DPP6: variants seen among roughly 807,000 people sequenced by gnomAD.
DPP6 encodes A-type potassium channel modulatory protein DPP6.
A neutral mutation model predicts 122.6 loss-of-function variants in DPP6; 69 were observed. The observed-to-expected ratio is 0.56, with a 90% CI of 0.46 to 0.69. The LOEUF is 0.69. DPP6 is among the 30% of genes least tolerant of loss of function. The pLI is 0.00. For missense variants in DPP6, 928 were observed against 1,116.9 expected, an observed-to-expected ratio of 0.83 and a Z score of 2.41; for synonymous variants, 418 against 433.1, an observed-to-expected ratio of 0.97 and a Z score of 0.43.
chr7:153,993,477 T>G (rs1201905384), intron 1 of DPP6, among the ~76,000 whole-genome samples: 1 of 152,264 alleles, frequency 6.6e-6, no homozygotes, highest in Non-Finnish European at 1.5e-5. Context: ...ATATTCTTGA[T>G]GAAATTTGTA....
chr7:154,352,945 A>G (rs774636146), intron 1 of DPP6, among the ~76,000 whole-genome samples: 64 of 152,238 alleles, frequency 4.2e-4, no homozygotes, highest in Non-Finnish European at 7.3e-4. Flanking sequence ...GTCCTGACCA[A>G]TTTGCTTCTG....
Position 154,486,875 on chromosome 7 carries a change from A to G in DPP6, c.457+11838A>G, listed in dbSNP as rs1823843756. On this transcript the variant is annotated intron_variant, in intron 3 of 25. Transcript: ENST00000377770. The surrounding 1 kb of genome is among the most constrained non-coding windows in gnomAD (Gnocchi z 4.5). ...GCGGACTCTAGTTCCTAACTGATGG[A>G]TGATGCTGGGCCCCGCTGTTGATGC... Among the ~76,000 whole-genome samples the G allele has an allele frequency of 6.6e-6, 1 of 152,140 alleles. No homozygotes were observed. The highest frequency in any genetic ancestry group is 2.4e-5 in the African/African-American group (1 of 41,430).
At chr7:154,665,341 T>TATC (rs1244640662) in intron 6 of DPP6, among the ~76,000 whole-genome samples, 6 of 152,250 alleles carry the variant, frequency 3.9e-5, no homozygotes, top group Admixed American at 3.9e-4. Context: ...TAATTATTTA[T>TATC]ATCAGTAAAG....
the DPP6 span, among the ~76,000 whole-genome samples, chr7:153,774,301 C>T: frequency 2.0e-5 from 3 of 151,978 alleles, no homozygotes; most frequent in Admixed American, 6.6e-5. Flanking sequence ...TCCTTTTCAC[C>T]GGAAGGTACA....
At chr7:154,504,558 A>G (rs374316455) in intron 3 of DPP6, among the ~76,000 whole-genome samples, 27 of 152,302 alleles carry the variant, frequency 1.8e-4, no homozygotes, top group African/African-American at 6.5e-4. Context: ...AGATAACTCA[A>G]GGATCAACGT....
chr7:154,645,134 C>T (rs1261723736), intron 6 of DPP6, among the ~76,000 whole-genome samples: 1 of 146,624 alleles, frequency 6.8e-6, no homozygotes, highest in Non-Finnish European at 1.5e-5. Context: ...GTGATCTCTG[C>T]TCACTGCAAG....
rs138439000 is a variant in DPP6, at chr7:154,556,495, A to G, written c.553-10347A>G. Among the ~76,000 whole-genome samples, 1,503 of 152,336 alleles carry G rather than the reference A, an allele frequency of 9.9e-3. 24 individuals carry two copies. Among genetic ancestry groups the G allele is most frequent in the African/African-American group, 0.032 (1,333 of 41,586 alleles). On this transcript the variant is annotated intron_variant, in intron 4 of 25. Coordinates refer to ENST00000377770, the MANE Select transcript of DPP6 (RefSeq NM_130797.4). ...ACAGTGCTGGCATAACTAACTCTTCATCTACAAAGATGTAATGTAAGTCTC... is the reference window on the plus strand; with the variant it reads ...ACAGTGCTGGCATAACTAACTCTTCGTCTACAAAGATGTAATGTAAGTCTC...
the DPP6 span, among the ~76,000 whole-genome samples, chr7:153,860,510 G>A: frequency 1.2e-4 from 18 of 152,240 alleles, no homozygotes; most frequent in African/African-American, 2.9e-4. Context: ...CAGCCTTGCC[G>A]TTCGGCCACC....
At chr7:154,067,876 A>G (rs768593248) in intron 1 of DPP6, among the ~76,000 whole-genome samples, 3 of 150,882 alleles carry the variant, frequency 2.0e-5, no homozygotes, top group African/African-American at 4.9e-5. Flanking sequence ...TGTCAAGTGC[A>G]TGCCACCACA....
At chr7:154,788,883 A>G (rs532272581) in intron 10 of DPP6, among the ~76,000 whole-genome samples, 1 of 151,948 alleles carries the variant, frequency 6.6e-6, no homozygotes, top group Non-Finnish European at 1.5e-5. Context: ...TTGTGGGAGA[A>G]CCTCCCACAT....
intron 7 of DPP6, among the ~76,000 whole-genome samples, chr7:154,714,109 C>G (rs908090984): frequency 6.6e-6 from 1 of 152,214 alleles, no homozygotes; most frequent in Non-Finnish European, 1.5e-5. Flanking sequence ...TTATCTTCAT[C>G]TGAGACCACC....
intron 4 of DPP6, among the ~76,000 whole-genome samples, chr7:154,544,161 A>G (rs563272505): frequency 6.7e-6 from 1 of 148,158 alleles, no homozygotes; most frequent in South Asian, 2.1e-4. Flanking sequence ...TTTTATATAT[A>G]TATATATAGT....
chr7:154,274,905 A>G (rs1317329239), intron 1 of DPP6, among the ~76,000 whole-genome samples: 1 of 152,218 alleles, frequency 6.6e-6, no homozygotes, highest in Non-Finnish European at 1.5e-5. Context: ...CTTCATCTCC[A>G]TCACTCCTCC....
At chr7:153,884,023 A>G (rs1302443844), upstream of DPP6, among the ~76,000 whole-genome samples, 2 of 152,112 alleles carry the variant, frequency 1.3e-5, no homozygotes, top group African/African-American at 4.8e-5. Flanking sequence ...TATTTTTTAT[A>G]TATAAACTTT....
chr7:154,746,932 C>T (rs1587007191), intron 8 of DPP6, among the ~76,000 whole-genome samples: 1 of 152,184 alleles, frequency 6.6e-6, no homozygotes, highest in Admixed American at 6.5e-5. Flanking sequence ...CACCCTATAA[C>T]TGGAATTATG....
intron 1 of DPP6, among the ~76,000 whole-genome samples, chr7:153,962,729 C>T (rs1795415309): frequency 6.6e-6 from 1 of 152,184 alleles, no homozygotes; most frequent in Non-Finnish European, 1.5e-5. Flanking sequence ...GTTACTGGTA[C>T]TATCATCCAC....
the DPP6 span, among the ~76,000 whole-genome samples, chr7:153,822,701 C>T: frequency 2.6e-5 from 4 of 152,110 alleles, no homozygotes; most frequent in Non-Finnish European, 5.9e-5. Flanking sequence ...ATTAAACTAC[C>T]GGCTGTGGTG....
At chr7:154,468,364 A>T (rs549785725) in intron 2 of DPP6, among the ~76,000 whole-genome samples, 1 of 152,324 alleles carries the variant, frequency 6.6e-6, no homozygotes, top group South Asian at 2.1e-4. Context: ...TTTGGGGGTA[A>T]TAAAAATGTT....
At chr7:154,568,632 T>C (rs1045792597) in intron 5 of DPP6, among the ~76,000 whole-genome samples, 3 of 152,264 alleles carry the variant, frequency 2.0e-5, no homozygotes, top group Admixed American at 1.3e-4. Flanking sequence ...TGGGATCCCA[T>C]TGAACCAGAA....
Sources: allele counts gnomAD v4.1 joint callset (sites outside exome capture counted in the v4.1 genomes callset), GRCh38; gene constraint gnomAD v4.1.1; non-coding constraint Gnocchi (gnomAD v3.1); transcripts MANE v1.5; gene names NCBI Gene and HGNC (gene_info 2026-07-23, HGNC 2026-07-21).